The following BRIX1 variants were observed in gnomAD, a reference collection of about 807,000 sequenced individuals.
The protein encoded by BRIX1 is ribosome biogenesis protein BRX1 homolog.
A neutral mutation model predicts 44.0 loss-of-function variants in BRIX1; 15 were observed. The ratio of observed to expected loss-of-function variants is 0.34; its 90% CI spans 0.23 to 0.53. The LOEUF (loss-of-function observed/expected upper bound fraction) is 0.53, where lower values mean the gene tolerates loss of function less well. Ranked by LOEUF, BRIX1 falls within the 20% of genes least tolerant of loss-of-function variation. The pLI is 0.95. For missense variants in BRIX1, 420 were observed against 432.8 expected, an observed-to-expected ratio of 0.97 and a Z score of 0.26; for synonymous variants, 149 against 135.4, an observed-to-expected ratio of 1.10 and a Z score of -0.70.
chr5:34,917,296 C>T (rs964209244), intron 1 of BRIX1, among the ~76,000 whole-genome samples: 2 of 152,144 alleles, frequency 1.3e-5, no homozygotes, highest in African/African-American at 4.8e-5. Context: ...GTCATTTGAA[C>T]TTTGTTTAGA....
intron 4 of BRIX1, 26 bp downstream of exon 4, chr5:34,922,313 T>C (rs1156683850): frequency 7.4e-7 from 1 of 1,354,374 alleles, no homozygotes; most frequent in Admixed American, 1.9e-5. Flanking sequence ...AAGATTTTGG[T>C]TAAACTCATT....
chr5:34,923,074 A>T, intron 7 of BRIX1, 23 bp downstream of exon 7: 2 of 1,567,944 alleles, frequency 1.3e-6, no homozygotes, highest in East Asian at 2.2e-5. Flanking sequence ...AAAATTAGCT[A>T]TCCAAAATAT....
At position 34,918,378 on chromosome 5, in the gene BRIX1, T is replaced by C; in HGVS notation, c.174T>C (p.Asn58=). The C allele has an allele frequency of 6.6e-7, 1 of 1,518,404 alleles. No individual in the cohort carries two copies. The highest frequency in any genetic ancestry group is 1.4e-5 in the African/African-American group (1 of 72,376). The allele number at this position is 1,518,404 out of a possible 1,614,324, so 94.1% of individuals were successfully genotyped here. A position where few individuals can be genotyped will look rare whatever the true frequency, so the allele number is the denominator to read the frequency against. Residue 58 remains asparagine (N), a synonymous_variant, in exon 2 of 10, where the codon AAT becomes AAC. Coordinates refer to ENST00000336767, the MANE Select transcript of BRIX1 (RefSeq NM_018321.4). The stretch of plus-strand genomic sequence containing the variant: ...TTTTTCTTTAGGGAAAGTGGAAAAA[T>C]AAGGAACGGATTCTCATCTTTTCTT... ...PGPVCKGKWK[N]KERILIFSSR...
Position 34,924,886 on chromosome 5 carries a change from C to T in BRIX1, c.703C>T (p.Arg235Cys), listed in dbSNP as rs747733843. Residue 235 changes from arginine (R) to cysteine (C), a missense_variant, in exon 9 of 10, where the codon CGT becomes TGT. Physicochemically the swap from Arg to Cys is radical, Grantham distance 180 (BLOSUM62 -3). Transcript: ENST00000336767. ...EDAALVEIGP[R>C]FVLNLIKIFQ... ...TGCTGCTCTTGTAGAAATAGGACCT[C>T]GTTTTGTCTTAAATCTCATAAAGAT... 5.0e-6 allele frequency: 8 copies of T among 1,606,336 alleles called. No homozygotes were observed. The highest frequency in any genetic ancestry group is 6.8e-6 in the Non-Finnish European group (8 of 1,173,074).
chr5:34,925,502 G>A lies in BRIX1; in HGVS notation c.*7G>A. On this transcript the variant is annotated 3_prime_UTR_variant, in exon 10 of 10. Transcript: ENST00000336767. ...CAGTGGGAAAACAAAATAAGTCAAT[G>A]GAAACCTGATTTGTTTTTCAGTTAC... 1 of 1,599,060 alleles carries A rather than the reference G, an allele frequency of 6.3e-7. No individual in the cohort carries two copies. The highest frequency in any genetic ancestry group is 8.5e-7 in the Non-Finnish European group (1 of 1,173,784).
Position 34,919,881 on chromosome 5 carries a change from G to A in BRIX1, c.313G>A (p.Glu105Lys), listed in dbSNP as rs1175030766. The A allele has an allele frequency of 2.6e-6, 3 of 1,162,598 alleles. No individual in the cohort carries two copies. The highest frequency in any genetic ancestry group is 2.5e-6 in the Non-Finnish European group (2 of 807,750). 72.0% of individuals were successfully genotyped at this position (1,162,598 alleles called of 1,614,324 possible). Residue 105 changes from glutamate to lysine, a missense_variant and splice_region_variant, in exon 3 of 10, where the codon GAG becomes AAG. Coordinates refer to ENST00000336767, the MANE Select transcript of BRIX1 (RefSeq NM_018321.4). ...TAAGGATAAGCTATTTGTGATTAACGAGGTAATTTTGGAAAGTAATTGCAA... is the reference window on the plus strand; with the variant it reads ...TAAGGATAAGCTATTTGTGATTAACAAGGTAATTTTGGAAAGTAATTGCAA... ...DRKDKLFVIN[E>K]VCEMKNCNKC...
At position 34,915,990 on chromosome 5, in the gene BRIX1, A is replaced by C. The variant is rs890339453; in HGVS notation, c.159+93A>C. On this transcript the variant is annotated intron_variant, in intron 1 of 9. Coordinates refer to ENST00000336767, the MANE Select transcript of BRIX1 (RefSeq NM_018321.4). ...CTTGACTACAGCCTTGCTTAATTTC[A>C]GAGTAGCCCGGGTGTTAACGGTAGG... is the stretch of plus-strand genomic sequence containing the variant. 8 of 1,393,848 alleles carry C rather than the reference A, an allele frequency of 5.7e-6. No individual in the cohort carries two copies. The African/African-American group carries it at 1.0e-4, about 18-fold the overall frequency. 86.3% of individuals were successfully genotyped at this position (1,393,848 alleles called of 1,614,324 possible). A position where few individuals can be genotyped will look rare whatever the true frequency, so the allele number is the denominator to read the frequency against.
At chr5:34,917,595 G>C (rs41270659) in intron 1 of BRIX1, among the ~76,000 whole-genome samples, 8 of 152,030 alleles carry the variant, frequency 5.3e-5, no homozygotes, top group African/African-American at 1.9e-4. Flanking sequence ...AGCCGAGATC[G>C]CGCCACTGCA....
chr5:34,917,562 C>T (rs1022034615), intron 1 of BRIX1, among the ~76,000 whole-genome samples: 2 of 151,992 alleles, frequency 1.3e-5, no homozygotes, highest in Non-Finnish European at 2.9e-5. Context: ...ATCGCTTGAA[C>T]CCGGGAGGTG....
intron 1 of BRIX1, among the ~76,000 whole-genome samples, chr5:34,916,926 A>G (rs1005163493): frequency 2.0e-5 from 3 of 152,154 alleles, no homozygotes; most frequent in African/African-American, 7.2e-5. Context: ...GTACACTTCC[A>G]GTAAATGTTA....
Position 34,922,299 on chromosome 5 carries a change from T to C in BRIX1, c.386+12T>C, listed in dbSNP as rs1186646605. On this transcript the variant is annotated intron_variant, in intron 4 of 9. Coordinates refer to ENST00000336767, the MANE Select transcript of BRIX1 (RefSeq NM_018321.4). ...GATCTCTATATGTGGTAAGAGAATG[T>C]ATTAAGATTTTGGTTAAACTCATTT... 6.6e-7 allele frequency: 1 copy of C among 1,507,634 alleles called. No individual in the cohort carries two copies. Among genetic ancestry groups the C allele is most frequent in the Admixed American group, 1.8e-5 (1 of 55,672 alleles). 93.4% of individuals were successfully genotyped at this position (1,507,634 alleles called of 1,614,324 possible). A position where few individuals can be genotyped will look rare whatever the true frequency, so the allele number is the denominator to read the frequency against.
At chr5:34,921,907 CAAAA>C (rs57343458) in intron 3 of BRIX1, 62 of 35,354 alleles carry the variant, frequency 1.8e-3, no homozygotes, top group Middle Eastern at 0.014. Context: ...AACTGCATCG[CAAAA>C]AAAAAAAAAA....
At chr5:34,920,372 C>T (rs1432307427) in intron 3 of BRIX1, 1 of 151,968 alleles carries the variant, frequency 6.6e-6, no homozygotes, top group Non-Finnish European at 1.5e-5. Flanking sequence ...TTTTTTTTAA[C>T]CTCTGGAAGC....
At chr5:34,923,938 T>TA (rs34614435) in intron 8 of BRIX1, among the ~76,000 whole-genome samples, 24,064 of 152,146 alleles carry the variant, frequency 0.16, 2,167 homozygotes, top group Middle Eastern at 0.22. Context: ...AGAAAGGGAA[T>TA]AACTTGAAGA....
chr5:34,924,081 T>A (rs1327132681), intron 8 of BRIX1, among the ~76,000 whole-genome samples: 1 of 152,208 alleles, frequency 6.6e-6, no homozygotes, highest in African/African-American at 2.4e-5. Context: ...AAAATGTAAT[T>A]GCTCTAGAAG....
chr5:34,925,513 T>A lies in BRIX1; in HGVS notation c.*18T>A, dbSNP rs1428020866. The A allele has an allele frequency of 1.3e-6, 2 of 1,595,478 alleles. No homozygotes were observed. The highest frequency in any genetic ancestry group is 3.5e-5 in the Admixed American group (2 of 56,554). Reference sequence around the variant, plus strand: ...CAAAATAAGTCAATGGAAACCTGATTTGTTTTTCAGTTACTTTATATTTAT... The same window carrying A: ...CAAAATAAGTCAATGGAAACCTGATATGTTTTTCAGTTACTTTATATTTAT... On this transcript the variant is annotated 3_prime_UTR_variant, in exon 10 of 10. Transcript: ENST00000336767.
At chr5:34,921,905 CGCA>C (rs1561172630) in intron 3 of BRIX1, 19 of 129,470 alleles carry the variant, frequency 1.5e-4, no homozygotes, top group South Asian at 2.6e-4. Flanking sequence ...GAAACTGCAT[CGCA>C]AAAAAAAAAA....
At chr5:34,922,114 G>A (rs1179937298) in intron 3 of BRIX1, 103 bp from the exon 4 acceptor site, 1 of 611,738 alleles carries the variant, frequency 1.6e-6, no homozygotes, top group Non-Finnish European at 2.8e-6. Context: ...TATTAGCCTG[G>A]TTAGGTATTT....
chr5:34,921,435 T>A (rs1051201551), intron 3 of BRIX1: 8 of 152,346 alleles, frequency 5.3e-5, no homozygotes, highest in Middle Eastern at 3.4e-3. Flanking sequence ...GCTAAAAAGT[T>A]AAAAATCAAA....
Sources: allele counts gnomAD v4.1 joint callset (sites outside exome capture counted in the v4.1 genomes callset), GRCh38; gene constraint gnomAD v4.1.1; transcripts MANE v1.5; gene names NCBI Gene and HGNC (gene_info 2026-07-23, HGNC 2026-07-21).